The following CTBP2 variants were observed in gnomAD, a reference collection of about 807,000 sequenced individuals.
CTBP2 encodes the protein C-terminal binding protein 2.
A neutral mutation model predicts 80.3 loss-of-function variants in CTBP2; 30 were observed. That is an observed-to-expected ratio of 0.37 (90% confidence interval 0.28 to 0.51). The LOEUF is 0.51. Ranked by LOEUF, CTBP2 falls within the 20% of genes least tolerant of loss-of-function variation. CTBP2 has a pLI of 0.93. For synonymous variants in CTBP2, 594 were observed against 587.4 expected, an observed-to-expected ratio of 1.01 and a Z score of -0.16; for missense variants, 1,212 against 1,375.3, an observed-to-expected ratio of 0.88 and a Z score of 1.88.
chr10:125,035,725 T>C (rs11818446), intron 3 of CTBP2, among the ~76,000 whole-genome samples: 11,437 of 152,258 alleles, frequency 0.075, 553 homozygotes, highest in African/African-American at 0.13. Flanking sequence ...AACCAATAGA[T>C]GTTTGGGGCA....
intron 1 of CTBP2, among the ~76,000 whole-genome samples, chr10:125,152,228 C>A (rs1323495923): frequency 6.6e-6 from 1 of 152,072 alleles, no homozygotes; most frequent in Non-Finnish European, 1.5e-5. Flanking sequence ...AGCCAGGAAC[C>A]CCGGGACCCC....
rs58255988 is a variant in CTBP2, at chr10:124,986,291, GCACACACACACA to G, written c.*3215_*3226del. Reference sequence around the variant, plus strand: ...AGACGACACACGCACGCGCGCGCGCGCACACACACACACACACACACACACACACACAGTTTT... The same window carrying G: ...AGACGACACACGCACGCGCGCGCGCGCACACACACACACACACACAGTTTT... On this transcript the variant is annotated 3_prime_UTR_variant, in exon 9 of 9. Coordinates refer to ENST00000309035, the MANE Select transcript of CTBP2 (RefSeq NM_022802.3). 1 of 116,020 alleles carries G rather than the reference GCACACACACACA, an allele frequency of 8.6e-6. No individual in the cohort carries two copies. Among genetic ancestry groups the G allele is most frequent in the Admixed American group, 8.3e-5 (1 of 12,064 alleles). 7.2% of individuals were successfully genotyped at this position (116,020 alleles called of 1,614,324 possible).
chr10:125,085,302 C>T (rs1260217411), intron 2 of CTBP2, among the ~76,000 whole-genome samples: 6 of 152,210 alleles, frequency 3.9e-5, no homozygotes, highest in Non-Finnish European at 7.3e-5. Context: ...AAGATTCCTA[C>T]GCTGCCCTGA....
At chr10:124,991,631 A>G (rs902613385) in intron 8 of CTBP2, among the ~76,000 whole-genome samples, 1 of 152,128 alleles carries the variant, frequency 6.6e-6, no homozygotes, top group Non-Finnish European at 1.5e-5. Context: ...GACATTCTCA[A>G]TCATCATGAG....
At chr10:125,063,721 G>C (rs1844191421) in intron 2 of CTBP2, among the ~76,000 whole-genome samples, 1 of 152,204 alleles carries the variant, frequency 6.6e-6, no homozygotes, top group South Asian at 2.1e-4. Flanking sequence ...CTCAGTGACA[G>C]CTTTACGGGG....
intron 1 of CTBP2, among the ~76,000 whole-genome samples, chr10:125,014,111 A>C (rs1435129078): frequency 6.6e-6 from 1 of 152,166 alleles, no homozygotes; most frequent in African/African-American, 2.4e-5. Context: ...GGAGAACAGA[A>C]GGGCACATCC....
intron 3 of CTBP2, 57 bp downstream of exon 3, chr10:125,038,940 G>A (rs1310334546): frequency 3.8e-6 from 6 of 1,566,486 alleles, no homozygotes; most frequent in Non-Finnish European, 8.7e-7. Context: ...AGCAGCCAGC[G>A]AAGATTTGAG....
Position 124,984,645 on chromosome 10 carries a change from C to T in CTBP2, c.*4873G>A. The T allele has an allele frequency of 2.3e-6, 2 of 884,382 alleles. No homozygotes were observed. The highest frequency in any genetic ancestry group is 1.7e-6 in the Non-Finnish European group (1 of 589,206). The allele number at this position is 884,382 out of a possible 1,614,324, so 54.8% of individuals were successfully genotyped here. Reference sequence around the variant, plus strand: ...CACAAAACTTCCAAGAGGTCAAAACCATGTGAAAAGTTGATTGCTTTGGCC... The same window carrying T: ...CACAAAACTTCCAAGAGGTCAAAACTATGTGAAAAGTTGATTGCTTTGGCC... On this transcript the variant is annotated 3_prime_UTR_variant, in exon 9 of 9. Coordinates refer to ENST00000309035, the MANE Select transcript of CTBP2 (RefSeq NM_022802.3).
intron 1 of CTBP2, among the ~76,000 whole-genome samples, chr10:125,119,545 A>G (rs2136015374): frequency 6.6e-6 from 1 of 152,392 alleles, no homozygotes; most frequent in East Asian, 1.9e-4. Flanking sequence ...CTTCAAAGAC[A>G]TAGGAAAAAT....
At chr10:125,061,212 C>A (rs895985001) in intron 2 of CTBP2, among the ~76,000 whole-genome samples, 2 of 152,222 alleles carry the variant, frequency 1.3e-5, no homozygotes, top group African/African-American at 4.8e-5. Context: ...CTAAAGCAAA[C>A]ATCTTATTTT....
At chr10:124,993,681 C>T (rs1953035484) in intron 6 of CTBP2, among the ~76,000 whole-genome samples, 174 bp downstream of exon 8, 1 of 152,228 alleles carries the variant, frequency 6.6e-6, no homozygotes. Context: ...ACTTCCAGCC[C>T]TTTTACAATT....
intron 1 of CTBP2, among the ~76,000 whole-genome samples, chr10:125,141,544 G>A (rs1857814905): frequency 6.6e-6 from 1 of 152,084 alleles, no homozygotes; most frequent in Non-Finnish European, 1.5e-5. Context: ...GGGACCTGAG[G>A]GCGCTCAACC....
chr10:125,143,689 T>C (rs182543599), intron 1 of CTBP2, among the ~76,000 whole-genome samples: 2 of 152,358 alleles, frequency 1.3e-5, no homozygotes, highest in Non-Finnish European at 2.9e-5. Flanking sequence ...AACTACAATA[T>C]TGCTTATGGG....
At position 124,993,857 on chromosome 10, in the gene CTBP2, G is replaced by T; in HGVS notation, c.2529C>A (p.Phe843Leu). Residue 843 changes from phenylalanine to leucine, a missense_variant and splice_region_variant, in exon 6 of 9, where the codon TTC (phenylalanine) becomes TTA (leucine). By Grantham distance (22) the Phe-to-Leu change is conservative. Coordinates refer to ENST00000309035, the MANE Select transcript of CTBP2 (RefSeq NM_022802.3). Reference sequence around the variant, plus strand: ...TAGGCGGCTGGGGCAACACGCACCTGAAGGGCTCTGACTCATGCACGTCGA... The same window carrying T: ...TAGGCGGCTGGGGCAACACGCACCTTAAGGGCTCTGACTCATGCACGTCGA... The T allele has an allele frequency of 6.2e-7, 1 of 1,612,150 alleles. No individual in the cohort carries two copies. Among genetic ancestry groups the T allele is most frequent in the Non-Finnish European group, 8.5e-7 (1 of 1,179,548 alleles).
In CTBP2 at chr10:125,137,631, A is replaced by G. The variant is rs78410354; in HGVS notation, c.-206+22688T>C. ...ATTGGCTGTGTTTATAATAAAATAG[A>G]ATAACTTATTTATTTGCTTACCTTA... On this transcript the variant is annotated intron_variant, in intron 1 of 10. Transcript: ENST00000337195. Among the ~76,000 whole-genome samples the G allele has an allele frequency of 9.8e-3, 1,487 of 152,318 alleles. 8 individuals carry two copies. Among genetic ancestry groups the G allele is most frequent in the South Asian group, 0.039 (187 of 4,818 alleles).
chr10:125,126,985 T>C (rs17644226), intron 1 of CTBP2, among the ~76,000 whole-genome samples: 10,773 of 152,002 alleles, frequency 0.071, 552 homozygotes, highest in Middle Eastern at 0.12. Flanking sequence ...GCATCAACTG[T>C]GAACAAGCCA....
rs959133242 is a variant in CTBP2, at chr10:125,023,549, G to A, written c.1678+2533C>T. ...CCAGGTCAGCCTGAGAGCGACAGCCGACCCCACCACCTGCCAGGTGCTGCC... is the reference window on the plus strand; with the variant it reads ...CCAGGTCAGCCTGAGAGCGACAGCCAACCCCACCACCTGCCAGGTGCTGCC... On this transcript the variant is annotated intron_variant, in intron 1 of 8. Transcript: ENST00000309035. Among the ~76,000 whole-genome samples, 8 of 152,264 alleles carry A rather than the reference G, an allele frequency of 5.3e-5. No individual in the cohort carries two copies. The South Asian group carries it at 1.7e-3, about 32-fold the overall frequency.
intron 1 of CTBP2, chr10:125,158,852 C>T (rs1861415303): frequency 6.6e-6 from 1 of 152,160 alleles, no homozygotes; most frequent in Non-Finnish European, 1.5e-5. Context: ...CGCGCACACG[C>T]TCACTCCGTG....
chr10:125,036,806 A>C (rs1305192687), intron 3 of CTBP2, among the ~76,000 whole-genome samples: 2 of 152,088 alleles, frequency 1.3e-5, no homozygotes, highest in African/African-American at 4.8e-5. Flanking sequence ...AGAAAAAAAC[A>C]GACTGCCCGG....
Sources: gnomAD v4.1 joint callset for allele counts (sites outside exome capture counted in the v4.1 genomes callset) on GRCh38, gnomAD v4.1.1 for gene constraint, MANE v1.5 for transcripts, NCBI Gene and HGNC (gene_info 2026-07-23, HGNC 2026-07-21) for gene names.